Variants in PLXNA2 observed in about 807,000 individuals in gnomAD.
PLXNA2 encodes the protein plexin-A2.
Under a neutral mutation model 193.5 loss-of-function variants are expected in PLXNA2, and 91 were observed. The observed-to-expected ratio is 0.47, with a 90% CI of 0.40 to 0.56. PLXNA2 has a LOEUF of 0.56. PLXNA2 is among the 20% of genes least tolerant of loss of function. The probability of loss-of-function intolerance (pLI) is 0.00; values close to 1 mark genes in which losing one functional copy is unlikely to be tolerated. For synonymous variants in PLXNA2, 997 were observed against 1,027.3 expected, an observed-to-expected ratio of 0.97 and a Z score of 0.56; for missense variants, 1,995 against 2,503.2, an observed-to-expected ratio of 0.80 and a Z score of 4.33.
intron 3 of PLXNA2, among the ~76,000 whole-genome samples, chr1:208,195,651 TG>T (rs35681950): frequency 0.32 from 35,066 of 108,862 alleles, 4,561 homozygotes; most frequent in Non-Finnish European, 0.38. Flanking sequence ...AAATGTTTTT[TG>T]GGGGGGGGGG....
chr1:208,074,636 C>A (rs1666087938), intron 12 of PLXNA2, among the ~76,000 whole-genome samples: 1 of 152,188 alleles, frequency 6.6e-6, no homozygotes, highest in South Asian at 2.1e-4. Context: ...GTTTATCTAA[C>A]TATGCGTGAG....
chr1:208,069,147 A>T (rs1401413725), intron 12 of PLXNA2, among the ~76,000 whole-genome samples: 1 of 152,170 alleles, frequency 6.6e-6, no homozygotes, highest in South Asian at 2.1e-4. Context: ...GGTCAGCAGG[A>T]TGTGGGATTA....
intron 3 of PLXNA2, among the ~76,000 whole-genome samples, chr1:208,183,782 A>G (rs972217343): frequency 1.3e-5 from 2 of 152,184 alleles, no homozygotes; most frequent in African/African-American, 4.8e-5. Context: ...GCATCTTACA[A>G]AACTGCCCCC....
chr1:208,204,543 C>A (rs1558243086), intron 3 of PLXNA2, among the ~76,000 whole-genome samples: 1 of 152,224 alleles, frequency 6.6e-6, no homozygotes, highest in African/African-American at 2.4e-5. Context: ...CCCTCACTGA[C>A]CTACCCAACA....
At chr1:208,110,582 A>G (rs917993336) in intron 4 of PLXNA2, among the ~76,000 whole-genome samples, 1 of 152,188 alleles carries the variant, frequency 6.6e-6, no homozygotes, top group African/African-American at 2.4e-5. Context: ...CGTCACATAG[A>G]TTACCTCATT....
rs764480313 is a variant in PLXNA2, at chr1:208,042,409, C to A, written c.4018-43G>T. ...GGAGGCGACGCCCTCAGAGGACAGG[C>A]ATCGGGCCTCCTACCTGAGGGTCTC... On this transcript the variant is annotated intron_variant, in intron 21 of 31. Transcript: ENST00000367033. 4.4e-6 allele frequency: 7 copies of A among 1,590,258 alleles called. No homozygotes were observed. The South Asian group carries it at 7.0e-5, about 16-fold the overall frequency.
At chr1:208,095,944 G>T in intron 8 of PLXNA2, 85 bp downstream of exon 8, 1 of 1,035,356 alleles carries the variant, frequency 9.7e-7, no homozygotes, top group Non-Finnish European at 1.5e-6. Context: ...CGTGGTTCCT[G>T]CCCTAAAGGA....
chr1:208,092,905 A>C lies in PLXNA2; in HGVS notation c.1983-5T>G, dbSNP rs749214471. On this transcript the variant is annotated splice_polypyrimidine_tract_variant and splice_region_variant and intron_variant, in intron 8 of 31. Transcript: ENST00000367033. ...CTGTTGACACAGGACAGGCACCTGC[A>C]AGGACAGAGATGGTGAGAGGCAAAG... is the stretch of plus-strand genomic sequence containing the variant. 5 of 1,603,016 alleles carry C rather than the reference A, an allele frequency of 3.1e-6. No individual in the cohort carries two copies. The highest frequency in any genetic ancestry group is 1.7e-5 in the Admixed American group (1 of 59,996).
chr1:208,159,322 T>C (rs748602718), intron 3 of PLXNA2, among the ~76,000 whole-genome samples: 3 of 152,240 alleles, frequency 2.0e-5, no homozygotes, highest in Non-Finnish European at 2.9e-5. Flanking sequence ...TCTTTTTTGA[T>C]CTTCATGATC....
rs1453247127 is a variant in PLXNA2, at chr1:208,082,342, G to T, written c.2395+70C>A. On this transcript the variant is annotated intron_variant, in intron 11 of 31. Coordinates refer to ENST00000367033, the MANE Select transcript of PLXNA2 (RefSeq NM_025179.4). The surrounding 1 kb of genome is among the most constrained non-coding windows in gnomAD (Gnocchi z 4.2). ...CATGGCACAGCGGCTGGCTGGCTCTGATCCCTCTAGCCCCAGTCTTTCCCG... is the reference window on the plus strand; with the variant it reads ...CATGGCACAGCGGCTGGCTGGCTCTTATCCCTCTAGCCCCAGTCTTTCCCG... 6 of 1,232,728 alleles carry T rather than the reference G, an allele frequency of 4.9e-6. No individual in the cohort carries two copies. The highest frequency in any genetic ancestry group is 5.9e-6 in the Non-Finnish European group (5 of 848,738). The allele number at this position is 1,232,728 out of a possible 1,614,324, so 76.4% of individuals were successfully genotyped here.
intron 3 of PLXNA2, 104 bp from the exon 4 acceptor site, chr1:208,142,567 C>T (rs1668489599): frequency 8.8e-7 from 1 of 1,139,472 alleles, no homozygotes; most frequent in African/African-American, 1.6e-5. Flanking sequence ...CATTGCTAAC[C>T]CCCAGTCACT....
At chr1:208,239,992 G>T (rs1276814057) in intron 1 of PLXNA2, among the ~76,000 whole-genome samples, 4 of 152,224 alleles carry the variant, frequency 2.6e-5, no homozygotes, top group Non-Finnish European at 5.9e-5. Flanking sequence ...GTTTCCCAGA[G>T]ATATTCTTTC....
chr1:208,176,747 C>T (rs1199902287), intron 3 of PLXNA2, among the ~76,000 whole-genome samples: 1 of 152,254 alleles, frequency 6.6e-6, no homozygotes, highest in Non-Finnish European at 1.5e-5. Context: ...TTACGTCCCT[C>T]ACTTGCTCCA....
intron 5 of PLXNA2, among the ~76,000 whole-genome samples, chr1:208,099,574 T>A (rs1667025165): frequency 6.6e-6 from 1 of 152,052 alleles, no homozygotes; most frequent in African/African-American, 2.4e-5. Context: ...GTTATTTTTG[T>A]TTGTTTGTTT....
chr1:208,051,485 G>C, intron 15 of PLXNA2, 62 bp from the exon 16 acceptor site: 1 of 1,406,762 alleles, frequency 7.1e-7, no homozygotes, highest in Non-Finnish European at 9.8e-7. Context: ...GTGCCCACTG[G>C]CTTGACAAGG....
chr1:208,098,232 T>TGGAA (rs1666970185), intron 6 of PLXNA2, among the ~76,000 whole-genome samples: 1 of 152,236 alleles, frequency 6.6e-6, no homozygotes, highest in Non-Finnish European at 1.5e-5. Flanking sequence ...ACTGAAATCT[T>TGGAA]GGAAGGTTCA....
chr1:208,082,624 C>T lies in PLXNA2; in HGVS notation c.2299-116G>A, dbSNP rs1666384827. 1 of 767,554 alleles carries T rather than the reference C, an allele frequency of 1.3e-6. No individual in the cohort carries two copies. The highest frequency in any genetic ancestry group is 2.7e-5 in the East Asian group (1 of 36,648). The allele number at this position is 767,554 out of a possible 1,614,324, so 47.5% of individuals were successfully genotyped here. On this transcript the variant is annotated intron_variant, in intron 10 of 31. Coordinates refer to ENST00000367033, the MANE Select transcript of PLXNA2 (RefSeq NM_025179.4). This position sits in a 1 kb window ranked among gnomAD's most constrained non-coding sequence, Gnocchi z 4.2. Reference sequence around the variant, plus strand: ...ATTATGACGCTCTTTCCCTGAATCCCAGTCACTAATGCCAAGAGAATCCCA... The same window carrying T: ...ATTATGACGCTCTTTCCCTGAATCCTAGTCACTAATGCCAAGAGAATCCCA...
intron 3 of PLXNA2, among the ~76,000 whole-genome samples, chr1:208,156,581 T>G (rs1668947386): frequency 6.6e-6 from 1 of 152,236 alleles, no homozygotes; most frequent in Non-Finnish European, 1.5e-5. Flanking sequence ...CGAGTCAGTT[T>G]GATTATAAAA....
At position 208,024,309 on chromosome 1, in the gene PLXNA2, G is replaced by A. The variant is rs2102353133; in HGVS notation, c.*2934C>T. 6.6e-6 allele frequency: 1 copy of A among 152,188 alleles called. No homozygotes were observed. Among genetic ancestry groups the A allele is most frequent in the South Asian group, 2.1e-4 (1 of 4,806 alleles). 9.4% of individuals were successfully genotyped at this position (152,188 alleles called of 1,614,324 possible). On this transcript the variant is annotated 3_prime_UTR_variant, in exon 32 of 32. Coordinates refer to ENST00000367033, the MANE Select transcript of PLXNA2 (RefSeq NM_025179.4). The stretch of plus-strand genomic sequence containing the variant: ...CAAATTGGATAACAGGGAGAAGAGA[G>A]GCCAACCAACTCCCTCTTTTTCTCA...
Sources: allele counts gnomAD v4.1 joint callset (sites outside exome capture counted in the v4.1 genomes callset), GRCh38; gene constraint gnomAD v4.1.1; non-coding constraint Gnocchi (gnomAD v3.1); transcripts MANE v1.5; gene names NCBI Gene and HGNC (gene_info 2026-07-23, HGNC 2026-07-21).